The following TDRD7 variants were observed in gnomAD, a reference collection of about 807,000 sequenced individuals.
TDRD7 encodes the protein tudor domain-containing protein 7.
A neutral mutation model predicts 109.8 loss-of-function variants in TDRD7; 47 were observed. The ratio of observed to expected loss-of-function variants is 0.43; its 90% CI spans 0.34 to 0.55. The LOEUF is 0.55. Ranked by LOEUF, TDRD7 falls within the 20% of genes least tolerant of loss-of-function variation. TDRD7 has a pLI of 0.03. For missense variants in TDRD7, 1,164 were observed against 1,319.2 expected (o/e 0.88, Z 1.82); for synonymous variants, 424 against 457.3 (o/e 0.93, Z 0.93).
At chr9:97,470,765 T>C in intron 9 of TDRD7, 96 bp downstream of exon 9, 2 of 832,714 alleles carry the variant, frequency 2.4e-6, no homozygotes, top group Non-Finnish European at 4.0e-6. Context: ...AAGTATCTCA[T>C]GTTATAATGT....
chr9:97,485,476 A>G (rs1021363197), intron 15 of TDRD7, among the ~76,000 whole-genome samples: 1 of 152,214 alleles, frequency 6.6e-6, no homozygotes, highest in Non-Finnish European at 1.5e-5. Context: ...TTTATGGACT[A>G]AAAACACAGA....
chr9:97,429,083 T>C (rs1028106984), intron 2 of TDRD7, among the ~76,000 whole-genome samples: 4 of 152,210 alleles, frequency 2.6e-5, no homozygotes, highest in Non-Finnish European at 5.9e-5. Context: ...CAATTCCTGC[T>C]ATCTGGACCT....
chr9:97,448,509 T>C (rs1828437621), intron 6 of TDRD7, among the ~76,000 whole-genome samples: 1 of 152,248 alleles, frequency 6.6e-6, no homozygotes, highest in Non-Finnish European at 1.5e-5. Flanking sequence ...GTGAACTGGC[T>C]AATCGTAGGG....
chr9:97,484,817 C>T lies in TDRD7; in HGVS notation c.2915+1466C>T, dbSNP rs1038228660. On this transcript the variant is annotated intron_variant, in intron 15 of 16. Transcript: ENST00000355295. ...AATTCAATCACAGTTAAAAACCAAA[C>T]TAATGTTCTGGGGGGCAGATTGATG... Among the ~76,000 whole-genome samples the T allele has an allele frequency of 7.9e-5, 12 of 152,144 alleles. 1 individual carries two copies. The highest frequency in any genetic ancestry group is 5.2e-4 in the Admixed American group (8 of 15,274).
chr9:97,460,902 G>A, intron 7 of TDRD7, 138 bp downstream of exon 7: 4 of 801,854 alleles, frequency 5.0e-6, no homozygotes, highest in Middle Eastern at 3.3e-4. Context: ...AGCACTTTGG[G>A]AGGCCGAGGT....
At chr9:97,493,942 A>G (rs1829347780) in intron 16 of TDRD7, among the ~76,000 whole-genome samples, 2 of 152,174 alleles carry the variant, frequency 1.3e-5, no homozygotes, top group South Asian at 4.1e-4. Context: ...TCTTTTTTCA[A>G]GGTGCCCAGA....
rs143941466 is a variant in TDRD7 at position 97,457,245 on chromosome 9, G to A, written c.856-2933G>A. Among the ~76,000 whole-genome samples the A allele has an allele frequency of 1.9e-3, 285 of 152,062 alleles. 2 individuals are homozygous for A. The highest frequency in any genetic ancestry group is 5.7e-3 in the African/African-American group (235 of 41,514). ...GAATGTAAATTAGTTCAACTGTTGT[G>A]GAAGACAGTATGGCGACAATTCCTC... On this transcript the variant is annotated intron_variant, in intron 6 of 16. Coordinates refer to ENST00000355295, the MANE Select transcript of TDRD7 (RefSeq NM_014290.3).
At position 97,487,232 on chromosome 9, in the gene TDRD7, G is replaced by A. The variant is rs1440028697; in HGVS notation, c.2976G>A (p.Leu992=). 6.2e-7 allele frequency: 1 copy of A among 1,613,806 alleles called. No homozygotes were observed. The highest frequency in any genetic ancestry group is 8.5e-7 in the Non-Finnish European group (1 of 1,179,918). The part of the protein sequence containing the change: ...LTNGLVSVYE[L]DYGKHELVNI... ...ATGGACTGGTATCTGTGTATGAGCT[G>A]GATTATGGCAAACACGAATTAGTCA... Residue 992 remains leucine, a synonymous_variant, in exon 16 of 17, where the codon CTG becomes CTA. Coordinates refer to ENST00000355295, the MANE Select transcript of TDRD7 (RefSeq NM_014290.3).
chr9:97,437,291 A>G (rs4742692), intron 4 of TDRD7, among the ~76,000 whole-genome samples: 80,277 of 151,990 alleles, frequency 0.53, 21,440 homozygotes, highest in African/African-American at 0.6. Context: ...AGTTAAAGAT[A>G]AATCTGCTTT....
intron 16 of TDRD7, among the ~76,000 whole-genome samples, chr9:97,490,730 TTC>T (rs1829293877): frequency 6.6e-6 from 1 of 151,564 alleles, no homozygotes; most frequent in South Asian, 2.1e-4. Flanking sequence ...TGGATTTTTG[TTC>T]TGTTTTTTTT....
intron 1 of TDRD7, among the ~76,000 whole-genome samples, chr9:97,421,359 T>G (rs565202254): frequency 6.6e-6 from 1 of 152,160 alleles, no homozygotes; most frequent in Non-Finnish European, 1.5e-5. Context: ...TTTTCATGTG[T>G]TTTTTTGCCA....
At chr9:97,475,295 C>T in intron 11 of TDRD7, 88 bp from the exon 12 acceptor site, 1 of 1,024,510 alleles carries the variant, frequency 9.8e-7, no homozygotes, top group Non-Finnish European at 1.5e-6. Flanking sequence ...TTAAGTCTGC[C>T]AGTGCCACAG....
rs764095465 is a variant in TDRD7, at chr9:97,495,746, C to T, written c.3160C>T (p.Gln1054Ter). ...VEKKPLVALVQTVIENANPWD... is the reference protein window; with the variant it reads ...VEKKPLVALV ...GAAGAAACCTCTGGTGGCACTGGTGCAGACAGTCATTGAAAATGCTAACCC... is the reference window on the plus strand; with the variant it reads ...GAAGAAACCTCTGGTGGCACTGGTGTAGACAGTCATTGAAAATGCTAACCC... The change falls in exon 17 of 17, where the codon CAG (glutamine) becomes TAG (stop). Residue 1054 changes from glutamine (Q) to a stop codon, truncating the protein, a stop_gained. Transcript: ENST00000355295. LOFTEE classifies it high-confidence loss of function. 3 of 1,614,178 alleles carry T rather than the reference C, an allele frequency of 1.9e-6. No homozygotes were observed. The highest frequency in any genetic ancestry group is 2.5e-6 in the Non-Finnish European group (3 of 1,180,040).
intron 4 of TDRD7, among the ~76,000 whole-genome samples, chr9:97,434,419 T>C (rs928392688): frequency 3.3e-5 from 5 of 152,154 alleles, no homozygotes; most frequent in African/African-American, 1.2e-4. Flanking sequence ...TCAATACATC[T>C]GTTGTATTTC....
intron 12 of TDRD7, among the ~76,000 whole-genome samples, chr9:97,476,084 G>A (rs1393388794): frequency 6.6e-6 from 1 of 152,136 alleles, no homozygotes; most frequent in Non-Finnish European, 1.5e-5. Context: ...TAGGAATGGA[G>A]TTTCTAGGTA....
intron 6 of TDRD7, among the ~76,000 whole-genome samples, chr9:97,459,555 T>C (rs1828673886): frequency 6.6e-6 from 1 of 152,214 alleles, no homozygotes; most frequent in South Asian, 2.1e-4. Flanking sequence ...CTCTCAGAAA[T>C]GGCATGCAAA....
chr9:97,454,443 T>C (rs1230475898), intron 6 of TDRD7, among the ~76,000 whole-genome samples: 2 of 152,186 alleles, frequency 1.3e-5, no homozygotes, highest in Non-Finnish European at 2.9e-5. Flanking sequence ...ATCGTGCCAC[T>C]GCACTCCAGC....
chr9:97,483,387 A>G (rs1476583440), intron 15 of TDRD7, 36 bp downstream of exon 15: 2 of 1,608,636 alleles, frequency 1.2e-6, no homozygotes, highest in East Asian at 2.2e-5. Context: ...TTCTACTCCT[A>G]AGAAAAATGT....
At chr9:97,452,005 A>G (rs1828502986) in intron 6 of TDRD7, among the ~76,000 whole-genome samples, 1 of 152,356 alleles carries the variant, frequency 6.6e-6, no homozygotes, top group African/African-American at 2.4e-5. Context: ...TTTAAATTAT[A>G]TTTTTTAACT....
Sources: gnomAD v4.1 joint callset for allele counts (sites outside exome capture counted in the v4.1 genomes callset) on GRCh38, gnomAD v4.1.1 for gene constraint, MANE v1.5 for transcripts, NCBI Gene and HGNC (gene_info 2026-07-23, HGNC 2026-07-21) for gene names.